MUC12: variants seen among roughly 807,000 people sequenced by gnomAD.
The protein encoded by MUC12 is mucin-12.
In MUC12, 172 loss-of-function variants were observed where a neutral mutation model predicts 230.8. The ratio of observed to expected loss-of-function variants is 0.75; its 90% CI spans 0.66 to 0.85. The LOEUF is 0.85. MUC12 is among the 40% of genes least tolerant of loss of function. The pLI is 0.00. For missense variants in MUC12, 3,506 were observed against 5,920.6 expected, an observed-to-expected ratio of 0.59 and a Z score of 13.38; for synonymous variants, 1,259 against 2,401.9, an observed-to-expected ratio of 0.52 and a Z score of 13.91.
chr7:100,972,386 C>A (rs927140847), intron 1 of MUC12, among the ~76,000 whole-genome samples: 1 of 1,096 alleles, frequency 9.1e-4, no homozygotes, highest in Non-Finnish European at 2.4e-3. Flanking sequence ...TCTCCACCAG[C>A]GCTCCTCCAC....
At position 100,990,900 on chromosome 7, in the gene MUC12, C is replaced by G; in HGVS notation, c.337C>G (p.Pro113Ala). ...SVFVGEPKTS[P>A]ITSASMETTA... ...TTTTGTTGGAGAACCTAAAACCTCA[C>G]CCATCACTTCAGCCTCAATGGAAAC... Residue 113 changes from proline (P) to alanine (A), a missense_variant, in exon 2 of 12, where the codon CCC becomes GCC. Transcript: ENST00000536621. 6.5e-7 allele frequency: 1 copy of G among 1,537,872 alleles called. No individual in the cohort carries two copies. The highest frequency in any genetic ancestry group is 8.7e-7 in the Non-Finnish European group (1 of 1,147,064).
At position 100,972,009 on chromosome 7, in the gene MUC12, T is replaced by C. The variant is rs559121437; in HGVS notation, c.67+2320T>C. ...CAAAACAGTCAGAAAAACATCTATC[T>C]ATGGCCAGTGCAGAGAGCAGAAGGG... On this transcript the variant is annotated intron_variant, in intron 1 of 11. Coordinates refer to ENST00000536621, the MANE Select transcript of MUC12 (RefSeq NM_001164462.2). 1.7e-5 allele frequency: 12 copies of C among 700,502 alleles called. No homozygotes were observed. The South Asian group carries it at 1.8e-4, about 10-fold the overall frequency. 43.4% of individuals were successfully genotyped at this position (700,502 alleles called of 1,614,324 possible).
chr7:100,977,097 C>A (rs750725684), intron 1 of MUC12, among the ~76,000 whole-genome samples: 19 of 147,206 alleles, frequency 1.3e-4, no homozygotes, highest in Admixed American at 6.1e-4. Context: ...TTGCTCAATA[C>A]CACCCATTCA....
chr7:101,018,587 TC>T lies in MUC12; in HGVS notation c.15967-3del. On this transcript the variant is annotated splice_polypyrimidine_tract_variant and splice_region_variant and intron_variant, in intron 11 of 11. Transcript: ENST00000536621. ...CCTTGGCCTCACCTCTTCTCTCCCG[TC>T]CCCCAGCTCCACATCCAGAGGCCGG... The T allele has an allele frequency of 6.5e-7, 1 of 1,535,434 alleles. No individual in the cohort carries two copies. The highest frequency in any genetic ancestry group is 8.7e-7 in the Non-Finnish European group (1 of 1,146,068).
chr7:101,017,651 C>G lies in MUC12; in HGVS notation c.15954C>G (p.Asp5318Glu). Residue 5318 changes from aspartate (D) to glutamate (E), a missense_variant, in exon 11 of 12, where the codon GAC (aspartate) becomes GAG (glutamate). Transcript: ENST00000536621. ...TCCGGCCCACCCTGGAGACTGTTGA[C>G]TCTGGCACAGAGGTGACTCAGCTGC... Reference protein sequence around the residue: ...NNFRPTLETVDSGTELHIQRP... With the variant: ...NNFRPTLETVESGTELHIQRP... 1 of 1,535,970 alleles carries G rather than the reference C, an allele frequency of 6.5e-7. No homozygotes were observed. Among genetic ancestry groups the G allele is most frequent in the African/African-American group, 1.4e-5 (1 of 73,002 alleles).
rs75250895 is a variant in MUC12 at position 100,969,831 on chromosome 7, G to T, written c.67+142G>T. 21 of 1,172,034 alleles carry T rather than the reference G, an allele frequency of 1.8e-5. No individual in the cohort carries two copies. The East Asian group carries it at 3.1e-4, about 17-fold the overall frequency. 72.6% of individuals were successfully genotyped at this position (1,172,034 alleles called of 1,614,324 possible). ...TGCCACAGGGCTGGAGACCCGTGCTGTGACCTCATCTTGCTTTGGGGGTGC... is the reference window on the plus strand; with the variant it reads ...TGCCACAGGGCTGGAGACCCGTGCTTTGACCTCATCTTGCTTTGGGGGTGC... On this transcript the variant is annotated intron_variant, in intron 1 of 11. Coordinates refer to ENST00000536621, the MANE Select transcript of MUC12 (RefSeq NM_001164462.2).
intron 1 of MUC12, among the ~76,000 whole-genome samples, chr7:100,976,121 T>C (rs1333533187): frequency 6.6e-6 from 1 of 151,970 alleles, no homozygotes; most frequent in Non-Finnish European, 1.5e-5. Flanking sequence ...ATTTTTTCAA[T>C]AAAAAAGTTA....
intron 1 of MUC12, among the ~76,000 whole-genome samples, chr7:100,988,033 C>G (rs896076950): frequency 9.9e-5 from 15 of 150,810 alleles, no homozygotes; most frequent in African/African-American, 3.4e-4. Flanking sequence ...GGCTTGGTGG[C>G]TCACGCCTGT....
intron 1 of MUC12, among the ~76,000 whole-genome samples, chr7:100,978,328 A>G (rs966954761): frequency 1.6e-4 from 25 of 152,188 alleles, no homozygotes; most frequent in Admixed American, 6.5e-5. Context: ...TTAAAGGAAT[A>G]GACCCAGGCT....
Position 101,005,329 on chromosome 7 carries a change from C to T in MUC12, c.14766C>T (p.Ala4922=). 1 of 1,537,930 alleles carries T rather than the reference C, an allele frequency of 6.5e-7. No homozygotes were observed. The highest frequency in any genetic ancestry group is 8.7e-7 in the Non-Finnish European group (1 of 1,147,058). ...CAACTGGAACAACACCCTTACCTGC[C>T]CGCTCCACAGCCTCAGACCTTGTTG... ...SDATGTTPLP[A]RSTASDLVGE... Residue 4922 remains alanine (A), a synonymous_variant, in exon 2 of 12, where the codon GCC becomes GCT. Coordinates refer to ENST00000536621, the MANE Select transcript of MUC12 (RefSeq NM_001164462.2).
chr7:100,987,194 G>A (rs1793204646), intron 1 of MUC12, among the ~76,000 whole-genome samples: 1 of 149,314 alleles, frequency 6.7e-6, no homozygotes. Context: ...AGCCTCCCAA[G>A]TAGCTGGGAT....
intron 3 of MUC12, 127 bp from the exon 4 acceptor site, chr7:101,008,507 A>G (rs1251223063): frequency 7.7e-7 from 1 of 1,294,950 alleles, no homozygotes; most frequent in East Asian, 2.6e-5. Context: ...GAGACAGGGA[A>G]CAGTGACCCC....
At chr7:101,009,064 T>G (rs180758181) in intron 4 of MUC12, 31 bp from the exon 5 acceptor site, 39 of 1,535,908 alleles carry the variant, frequency 2.5e-5, no homozygotes, top group African/African-American at 8.2e-5. Flanking sequence ...GCTCTAGCTT[T>G]GTGTGACCTT....
chr7:100,991,493 C>A lies in MUC12; in HGVS notation c.930C>A (p.Ser310Arg). 2.6e-6 allele frequency: 4 copies of A among 1,537,378 alleles called. No individual in the cohort carries two copies. The highest frequency in any genetic ancestry group is 3.5e-6 in the Non-Finnish European group (4 of 1,146,714). The change falls in exon 2 of 12, where the codon AGC (serine) becomes AGA (arginine). Residue 310 changes from serine (S) to arginine (R), a missense_variant. Physicochemically the swap from Ser to Arg is moderately radical, Grantham distance 110. Coordinates refer to ENST00000536621, the MANE Select transcript of MUC12 (RefSeq NM_001164462.2). The part of the protein sequence containing the change: ...KLSTTYHSSP[S>R]STPTTHFSAS... ...CTACAACTTATCACAGCAGCCCGAGCTCAACTCCAACAACCCACTTTTCTG... is the reference window on the plus strand; with the variant it reads ...CTACAACTTATCACAGCAGCCCGAGATCAACTCCAACAACCCACTTTTCTG...
At position 100,990,853 on chromosome 7, in the gene MUC12, C is replaced by T. The variant is rs1020728381; in HGVS notation, c.290C>T (p.Pro97Leu). The change falls in exon 2 of 12, where the codon CCT (proline) becomes CTT (leucine). Residue 97 changes from proline to leucine, a missense_variant. Transcript: ENST00000536621. ...GPGATGTTLF[P>L]SHSATSVFVG... Reference sequence around the variant, plus strand: ...GGTGCAACTGGAACAACACTCTTCCCTTCCCACTCTGCAACCTCAGTTTTT... The same window carrying T: ...GGTGCAACTGGAACAACACTCTTCCTTTCCCACTCTGCAACCTCAGTTTTT... 6.5e-7 allele frequency: 1 copy of T among 1,537,856 alleles called. No individual in the cohort carries two copies. The highest frequency in any genetic ancestry group is 1.2e-5 in the South Asian group (1 of 84,058).
intron 1 of MUC12, among the ~76,000 whole-genome samples, chr7:100,973,821 C>G (rs1230456099): frequency 1.3e-5 from 2 of 151,990 alleles, no homozygotes; most frequent in Non-Finnish European, 2.9e-5. Flanking sequence ...TTGGGAGGCC[C>G]CAGCCTGGGC....
intron 1 of MUC12, among the ~76,000 whole-genome samples, chr7:100,980,511 A>G (rs1027137351): frequency 6.6e-6 from 1 of 152,238 alleles, no homozygotes; most frequent in East Asian, 1.9e-4. Context: ...ATTCTTGGAC[A>G]TGTGTACCTC....
chr7:101,012,799 T>A lies in MUC12; in HGVS notation c.15404-20T>A. On this transcript the variant is annotated intron_variant, in intron 6 of 11. Transcript: ENST00000536621. Reference sequence around the variant, plus strand: ...GGGAAGTGTTTCTATTCCATCTTCCTTCCCATCCACTCTCGGCAGAGGCCA... The same window carrying A: ...GGGAAGTGTTTCTATTCCATCTTCCATCCCATCCACTCTCGGCAGAGGCCA... 1 of 1,536,758 alleles carries A rather than the reference T, an allele frequency of 6.5e-7. No individual in the cohort carries two copies. Among genetic ancestry groups the A allele is most frequent in the East Asian group, 2.4e-5 (1 of 40,892 alleles).
Position 101,009,112 on chromosome 7 carries a change from G to C in MUC12, c.15204G>C (p.Lys5068Asn). 2.0e-6 allele frequency: 3 copies of C among 1,537,888 alleles called. No homozygotes were observed. The highest frequency in any genetic ancestry group is 2.6e-6 in the Non-Finnish European group (3 of 1,147,062). Residue 5068 changes from lysine (K) to asparagine (N), a missense_variant, in exon 5 of 12, where the codon AAG becomes AAC. Physicochemically the swap from Lys to Asn is moderately conservative, Grantham distance 94. Coordinates refer to ENST00000536621, the MANE Select transcript of MUC12 (RefSeq NM_001164462.2). ...LFKNRMDVVL[K>N]GDNLPQYRGV... ...TCTTTCAGATGGATGTCGTTTTGAA[G>C]GGCGACAATCTTCCTCAGTATAGAG...
Sources: gnomAD v4.1 joint callset for allele counts (sites outside exome capture counted in the v4.1 genomes callset) on GRCh38, gnomAD v4.1.1 for gene constraint, MANE v1.5 for transcripts, NCBI Gene and HGNC (gene_info 2026-07-23, HGNC 2026-07-21) for gene names.